The following ZNRF3 variants were observed in gnomAD, a reference collection of about 807,000 sequenced individuals.
ZNRF3 encodes the protein zinc and ring finger 3, also known as E3 ubiquitin-protein ligase ZNRF3.
ZNRF3 carries 23 observed loss-of-function variants against 72.5 expected under a neutral mutation model. The ratio of observed to expected loss-of-function variants is 0.32; its 90% CI spans 0.23 to 0.45. The LOEUF is 0.45. ZNRF3 is among the 20% of genes least tolerant of loss of function. The probability of loss-of-function intolerance (pLI) is 1.00; values close to 1 mark genes in which losing one functional copy is unlikely to be tolerated. For synonymous variants in ZNRF3, 610 were observed against 545.3 expected, an observed-to-expected ratio of 1.12 and a Z score of -1.65; for missense variants, 1,169 against 1,272.1, an observed-to-expected ratio of 0.92 and a Z score of 1.23.
chr22:29,039,784 C>CAAAA lies in ZNRF3; in HGVS notation c.427-2689_427-2686dup, dbSNP rs397976678. ...CAACATAGTGAGACCTCGTCTCTAC[C>CAAAA]AAAAAAAAAAAAAAAAAAAAAAAAA... On this transcript the variant is annotated intron_variant, in intron 2 of 8. Coordinates refer to ENST00000544604, the MANE Select transcript of ZNRF3 (RefSeq NM_001206998.2). Among the ~76,000 whole-genome samples, 390 of 85,294 alleles carry CAAAA rather than the reference C, an allele frequency of 4.6e-3. 7 individuals carry two copies. The highest frequency in any genetic ancestry group is 0.017 in the African/African-American group (372 of 21,284). The allele number at this position is 85,294 out of a possible 152,430, so 56.0% of individuals were successfully genotyped here. A position where few individuals can be genotyped will look rare whatever the true frequency, so the allele number is the denominator to read the frequency against.
chr22:28,885,715 G>C (rs1271568193), intron 1 of ZNRF3, among the ~76,000 whole-genome samples: 1 of 151,348 alleles, frequency 6.6e-6, no homozygotes, highest in Non-Finnish European at 1.5e-5. Flanking sequence ...ACAGTAGTTT[G>C]TCTGGTGAGC....
chr22:28,965,897 T>C (rs753271521), intron 1 of ZNRF3, among the ~76,000 whole-genome samples: 2 of 152,250 alleles, frequency 1.3e-5, no homozygotes, highest in East Asian at 3.8e-4. Context: ...AAATTCAGAA[T>C]GGTGGTCACA....
At chr22:29,007,053 C>T (rs1327578860) in intron 2 of ZNRF3, among the ~76,000 whole-genome samples, 1 of 152,212 alleles carries the variant, frequency 6.6e-6, no homozygotes, top group Non-Finnish European at 1.5e-5. Context: ...GAAATCCTTA[C>T]AGTATCCCCG....
Position 28,994,176 on chromosome 22 carries a change from C to CTTTTTTTTT in ZNRF3, c.426+6994_426+7002dup, listed in dbSNP as rs57329565. The stretch of plus-strand genomic sequence containing the variant: ...TCCTTTATTGTCCTTCAGTTCCTTT[C>CTTTTTTTTT]TTTTTTTTTTTTTTTTTTTTTTTTT... On this transcript the variant is annotated intron_variant, in intron 2 of 8. Transcript: ENST00000544604. 1.4e-3 allele frequency among the ~76,000 whole-genome samples: 55 copies of CTTTTTTTTT among 39,806 alleles called. 9 individuals are homozygous for CTTTTTTTTT. The highest frequency in any genetic ancestry group is 5.3e-3 in the South Asian group (4 of 748). The allele number at this position is 39,806 out of a possible 152,430, so 26.1% of individuals were successfully genotyped here.
At chr22:28,918,115 C>A (rs1271519343) in intron 1 of ZNRF3, among the ~76,000 whole-genome samples, 1 of 152,168 alleles carries the variant, frequency 6.6e-6, no homozygotes, top group Non-Finnish European at 1.5e-5. Context: ...TTGGTGTGGG[C>A]TGAAAGGCAG....
At chr22:29,041,488 CA>C (rs1159777982) in intron 2 of ZNRF3, among the ~76,000 whole-genome samples, 1 of 152,162 alleles carries the variant, frequency 6.6e-6, no homozygotes, top group African/African-American at 2.4e-5. Flanking sequence ...CCACCTCCCC[CA>C]AAAAGAATCC....
At chr22:28,887,229 AGAGAGAGTGTGTGTGT>A (rs1257492828) in intron 1 of ZNRF3, among the ~76,000 whole-genome samples, 23 of 139,184 alleles carry the variant, frequency 1.7e-4, no homozygotes, top group African/African-American at 5.6e-4. Flanking sequence ...GAAGAGAGAG[AGAGAGAGTGTGTGTGT>A]GTGTGTGTGT....
intron 1 of ZNRF3, among the ~76,000 whole-genome samples, chr22:28,932,571 C>T (rs932954787): frequency 4.6e-5 from 7 of 152,202 alleles, no homozygotes; most frequent in Non-Finnish European, 1.0e-4. Context: ...CACCATGCTG[C>T]TGCTCATCTT....
intron 1 of ZNRF3, among the ~76,000 whole-genome samples, chr22:28,947,146 C>T (rs1246630591): frequency 2.0e-5 from 3 of 152,158 alleles, no homozygotes; most frequent in Admixed American, 1.3e-4. Flanking sequence ...TAAATAAGCA[C>T]ATATGGGAAT....
chr22:29,043,951 T>A (rs738246), intron 4 of ZNRF3, among the ~76,000 whole-genome samples: 66,618 of 152,098 alleles, frequency 0.44, 15,131 homozygotes, highest in Non-Finnish European at 0.49. Flanking sequence ...AGCATCTGCA[T>A]CTCTTAAGTA....
intron 1 of ZNRF3, among the ~76,000 whole-genome samples, chr22:28,897,913 G>A (rs557623894): frequency 6.6e-6 from 1 of 152,260 alleles, no homozygotes; most frequent in African/African-American, 2.4e-5. Flanking sequence ...TGAAAGGGGT[G>A]TTAATGTGGC....
chr22:29,050,905 C>A lies in ZNRF3; in HGVS notation c.2724C>A (p.Leu908=), dbSNP rs769844017. The A allele has an allele frequency of 6.4e-7, 1 of 1,559,858 alleles. No homozygotes were observed. The highest frequency in any genetic ancestry group is 8.6e-7 in the Non-Finnish European group (1 of 1,161,302). ...TCAGGGCCAACTTCCCTAGTGCCCT[C>A]CAGGACACTCAGGAGTCCAGCACCA... ...GAVRANFPSA[L]QDTQESSTTA... is the part of the protein sequence containing the mutation. Residue 908 remains leucine (L), a synonymous_variant, in exon 8 of 9, where the codon CTC becomes CTA. Coordinates refer to ENST00000544604, the MANE Select transcript of ZNRF3 (RefSeq NM_001206998.2).
At chr22:28,987,274 A>AAT in intron 2 of ZNRF3, 73 bp downstream of exon 2, 1 of 1,552,352 alleles carries the variant, frequency 6.4e-7, no homozygotes, top group Non-Finnish European at 8.7e-7. Flanking sequence ...GCATTCCTCA[A>AAT]ATAGTTGATT....
At chr22:28,989,294 T>C (rs2035911642) in intron 2 of ZNRF3, among the ~76,000 whole-genome samples, 1 of 152,154 alleles carries the variant, frequency 6.6e-6, no homozygotes, top group African/African-American at 2.4e-5. Flanking sequence ...AAAGACAGTT[T>C]TGCATTTGTT....
chr22:29,006,371 G>C (rs1403914199), intron 2 of ZNRF3, among the ~76,000 whole-genome samples: 1 of 152,030 alleles, frequency 6.6e-6, no homozygotes, highest in South Asian at 2.1e-4. Flanking sequence ...GTACCGCCAC[G>C]CCTGGCTACT....
intron 2 of ZNRF3, among the ~76,000 whole-genome samples, chr22:28,988,943 G>C (rs548449827): frequency 6.6e-6 from 1 of 152,276 alleles, no homozygotes; most frequent in African/African-American, 2.4e-5. Flanking sequence ...GTCACTCAGA[G>C]AACCCAACTA....
intron 1 of ZNRF3, among the ~76,000 whole-genome samples, chr22:28,885,590 TAAAAAAAAAAAAAA>T (rs34201242): frequency 9.7e-6 from 1 of 102,744 alleles, no homozygotes; most frequent in Admixed American, 1.1e-4. Context: ...TACAGCCTTC[TAAAAAAAAAAAAAA>T]AAAAAAAAAA....
rs772780461 is a variant in ZNRF3, at chr22:29,049,644, C to T, written c.1463C>T (p.Pro488Leu). ...CCGGAGCAGGAGGGGCAGTCCCCAC[C>T]TAGCCTCGCACCCCGGGGCCCGGCC... ...SYPEQEGQSP[P>L]SLAPRGPARA... Residue 488 changes from proline (P) to leucine (L), a missense_variant, in exon 8 of 9, where the codon CCT (proline) becomes CTT (leucine). Physicochemically the swap from Pro to Leu is moderately conservative, Grantham distance 98. Coordinates refer to ENST00000544604, the MANE Select transcript of ZNRF3 (RefSeq NM_001206998.2). This position sits in a 1 kb window ranked among gnomAD's most constrained non-coding sequence, Gnocchi z 5.2. The T allele has an allele frequency of 6.2e-7, 1 of 1,610,538 alleles. No individual in the cohort carries two copies. Among genetic ancestry groups the T allele is most frequent in the South Asian group, 1.1e-5 (1 of 90,950 alleles).
chr22:28,998,680 C>T (rs1201723329), intron 2 of ZNRF3, among the ~76,000 whole-genome samples: 1 of 152,170 alleles, frequency 6.6e-6, no homozygotes, highest in Non-Finnish European at 1.5e-5. Flanking sequence ...CTTCCATGAA[C>T]CTCTTGGTTA....
Sources: allele counts gnomAD v4.1 joint callset (sites outside exome capture counted in the v4.1 genomes callset), GRCh38; gene constraint gnomAD v4.1.1; non-coding constraint Gnocchi (gnomAD v3.1); transcripts MANE v1.5; gene names NCBI Gene and HGNC (gene_info 2026-07-23, HGNC 2026-07-21).